NTNG2: variants seen among roughly 807,000 people sequenced by gnomAD.
NTNG2 encodes the protein netrin G2.
Under a neutral mutation model 47.6 loss-of-function variants are expected in NTNG2, and 15 were observed. The observed-to-expected ratio is 0.32, with a 90% CI of 0.21 to 0.49. The LOEUF is 0.49. Ranked by LOEUF, NTNG2 falls within the 20% of genes least tolerant of loss-of-function variation. The probability of loss-of-function intolerance (pLI) is 0.99; values close to 1 mark genes in which losing one functional copy is unlikely to be tolerated. For synonymous variants in NTNG2, 307 were observed against 324.6 expected (o/e 0.95, Z 0.58); for missense variants, 578 against 764.6 (o/e 0.76, Z 2.88).
intron 3 of NTNG2, among the ~76,000 whole-genome samples, chr9:132,206,941 C>T (rs111369550): frequency 2.6e-5 from 4 of 152,226 alleles, no homozygotes; most frequent in Non-Finnish European, 5.9e-5. Flanking sequence ...CCTGGACCTG[C>T]GGTCTCCTCT....
chr9:132,193,034 G>C (rs1838014931), intron 2 of NTNG2, among the ~76,000 whole-genome samples: 1 of 152,196 alleles, frequency 6.6e-6, no homozygotes, highest in South Asian at 2.1e-4. Context: ...GACAGGCCGG[G>C]TGCAACTGGG....
chr9:132,185,840 G>GGGA (rs1224445871), intron 2 of NTNG2, among the ~76,000 whole-genome samples: 3 of 111,954 alleles, frequency 2.7e-5, no homozygotes, highest in East Asian at 2.2e-4. Flanking sequence ...GAGGAGGAGT[G>GGGA]GGAGGAGGAG....
intron 2 of NTNG2, among the ~76,000 whole-genome samples, chr9:132,179,222 G>A (rs1836738836): frequency 6.6e-6 from 1 of 152,234 alleles, no homozygotes; most frequent in Non-Finnish European, 1.5e-5. Flanking sequence ...TCTGGTGGGG[G>A]ACACAGGATG....
intron 3 of NTNG2, among the ~76,000 whole-genome samples, chr9:132,213,644 G>A (rs150387807): frequency 2.0e-5 from 3 of 152,240 alleles, no homozygotes; most frequent in African/African-American, 7.2e-5. Flanking sequence ...CGTAAGATCT[G>A]GGATTTGCTT....
intron 3 of NTNG2, among the ~76,000 whole-genome samples, chr9:132,219,638 C>G (rs1402449401): frequency 6.6e-6 from 1 of 151,878 alleles, no homozygotes. Flanking sequence ...TCATCACTGA[C>G]CGCTTTCACT....
At chr9:132,169,630 C>G (rs915020318) in intron 2 of NTNG2, among the ~76,000 whole-genome samples, 3 of 152,240 alleles carry the variant, frequency 2.0e-5, no homozygotes, top group African/African-American at 7.2e-5. Flanking sequence ...CACAGCCTCC[C>G]CTCTCTCCAC....
chr9:132,243,965 G>C lies in NTNG2; in HGVS notation c.*1854G>C, dbSNP rs967737916. On this transcript the variant is annotated 3_prime_UTR_variant, in exon 8 of 8. Coordinates refer to ENST00000393229, the MANE Select transcript of NTNG2 (RefSeq NM_032536.4). Reference sequence around the variant, plus strand: ...TCTCTACCCTCACATTCTTCCTTACGCACAGAACCCCACTGCCTGGGACCC... The same window carrying C: ...TCTCTACCCTCACATTCTTCCTTACCCACAGAACCCCACTGCCTGGGACCC... 1.3e-5 allele frequency: 2 copies of C among 152,238 alleles called. No individual in the cohort carries two copies. Among genetic ancestry groups the C allele is most frequent in the African/African-American group, 4.8e-5 (2 of 41,396 alleles). The allele number at this position is 152,238 out of a possible 1,614,324, so 9.4% of individuals were successfully genotyped here.
At chr9:132,214,676 A>G (rs892683708) in intron 3 of NTNG2, among the ~76,000 whole-genome samples, 4 of 152,160 alleles carry the variant, frequency 2.6e-5, no homozygotes, top group Non-Finnish European at 5.9e-5. Flanking sequence ...TCAGGGTCTG[A>G]GCAGAGGGGC....
chr9:132,194,266 T>A (rs1305545869), intron 2 of NTNG2, among the ~76,000 whole-genome samples: 1 of 152,108 alleles, frequency 6.6e-6, no homozygotes, highest in Non-Finnish European at 1.5e-5. Context: ...CATCTGCCCA[T>A]CACTCCTCCT....
intron 2 of NTNG2, among the ~76,000 whole-genome samples, chr9:132,185,716 AC>A (rs1589407075): frequency 2.0e-5 from 3 of 148,816 alleles, no homozygotes; most frequent in Admixed American, 1.3e-4. Flanking sequence ...CCTTTCATTT[AC>A]TTTTTAAAAA....
chr9:132,175,554 A>G (rs6597552), intron 2 of NTNG2, among the ~76,000 whole-genome samples: 71,255 of 152,136 alleles, frequency 0.47, 17,582 homozygotes, highest in African/African-American at 0.62. Context: ...CATGAGGAAC[A>G]GGAGAAACGG....
intron 2 of NTNG2, among the ~76,000 whole-genome samples, chr9:132,174,921 C>CAAA (rs10656671): frequency 0.037 from 5,499 of 146,970 alleles, 293 homozygotes; most frequent in African/African-American, 0.11. Flanking sequence ...GACTCTGTCT[C>CAAA]AAAAAAAAAA....
At chr9:132,230,885 T>C (rs532467860) in intron 5 of NTNG2, among the ~76,000 whole-genome samples, 1 of 152,140 alleles carries the variant, frequency 6.6e-6, no homozygotes, top group African/African-American at 2.4e-5. Context: ...CAGTGCTGCT[T>C]TGGAAAACGG....
At chr9:132,171,879 C>T (rs1374874293) in intron 2 of NTNG2, among the ~76,000 whole-genome samples, 1 of 152,232 alleles carries the variant, frequency 6.6e-6, no homozygotes, top group Non-Finnish European at 1.5e-5. Flanking sequence ...CCCAGCCTCC[C>T]TCCTCTCGCC....
chr9:132,190,938 T>C (rs17148754), intron 2 of NTNG2, among the ~76,000 whole-genome samples: 1,921 of 152,276 alleles, frequency 0.013, 53 homozygotes, highest in African/African-American at 0.044. Context: ...TGCCTATGTG[T>C]GTCCAGAGAG....
At position 132,219,825 on chromosome 9, in the gene NTNG2, C is replaced by T. The variant is rs563345575; in HGVS notation, c.858-7024C>T. ...ATGCTGCTATCAACATTCATGTACACATTTTGTGTGGACATGTTTTCGTTT... is the reference window on the plus strand; with the variant it reads ...ATGCTGCTATCAACATTCATGTACATATTTTGTGTGGACATGTTTTCGTTT... On this transcript the variant is annotated intron_variant, in intron 3 of 7. Transcript: ENST00000393229. Among the ~76,000 whole-genome samples the T allele has an allele frequency of 1.1e-4, 17 of 152,324 alleles. No homozygotes were observed. The East Asian group carries it at 3.1e-3, about 28-fold the overall frequency.
chr9:132,215,719 G>C lies in NTNG2; in HGVS notation c.858-11130G>C, dbSNP rs1410359662. ...TTATCTCTATTTTGGGGAGCTGCAG[G>C]CTCTGAGAGAGGCTCTGGGGTGGGT... On this transcript the variant is annotated intron_variant, in intron 3 of 7. Coordinates refer to ENST00000393229, the MANE Select transcript of NTNG2 (RefSeq NM_032536.4). This position sits in a 1 kb window ranked among gnomAD's most constrained non-coding sequence, Gnocchi z 4.2. Among the ~76,000 whole-genome samples the C allele has an allele frequency of 1.3e-5, 2 of 152,180 alleles. No individual in the cohort carries two copies. Among genetic ancestry groups the C allele is most frequent in the East Asian group, 3.8e-4 (2 of 5,198 alleles).
chr9:132,169,138 G>A (rs924522598), intron 2 of NTNG2, among the ~76,000 whole-genome samples: 20 of 152,340 alleles, frequency 1.3e-4, no homozygotes, highest in African/African-American at 4.6e-4. Context: ...TCCTCTCCTG[G>A]GCAGACAGGT....
At chr9:132,187,111 T>C (rs1032549166) in intron 2 of NTNG2, among the ~76,000 whole-genome samples, 10 of 152,224 alleles carry the variant, frequency 6.6e-5, no homozygotes, top group Non-Finnish European at 1.3e-4. Flanking sequence ...AGCCAGAGAC[T>C]CTGGGTTCAA....
Sources: allele counts gnomAD v4.1 joint callset (sites outside exome capture counted in the v4.1 genomes callset), GRCh38; gene constraint gnomAD v4.1.1; non-coding constraint Gnocchi (gnomAD v3.1); transcripts MANE v1.5; gene names NCBI Gene and HGNC (gene_info 2026-07-23, HGNC 2026-07-21).